CNTN3: variants seen among roughly 807,000 people sequenced by gnomAD.
CNTN3 encodes the protein contactin-3.
Under a neutral mutation model 119.1 loss-of-function variants are expected in CNTN3, and 60 were observed. The observed-to-expected ratio is 0.50, with a 90% CI of 0.41 to 0.62. The LOEUF is 0.62. CNTN3 is among the 20% of genes least tolerant of loss of function. CNTN3 has a pLI of 0.00. For missense variants in CNTN3, 1,101 were observed against 1,242.4 expected (o/e 0.89, Z 1.71); for synonymous variants, 450 against 438.7 (o/e 1.03, Z -0.32).
Position 74,487,266 on chromosome 3 carries a change from G to T in CNTN3, c.183-635C>A, listed in dbSNP as rs527870919. Among the ~76,000 whole-genome samples, 79 of 152,254 alleles carry T rather than the reference G, an allele frequency of 5.2e-4. 2 individuals carry two copies. Among genetic ancestry groups the T allele is most frequent in the South Asian group, 2.9e-3 (14 of 4,828 alleles). ...AACGAGAAGCCTAAAGATAAATGAA[G>T]AGAGAAGCTGGTTTTTAAATAAGAG... On this transcript the variant is annotated intron_variant, in intron 3 of 22. Coordinates refer to ENST00000263665, the MANE Select transcript of CNTN3 (RefSeq NM_020872.3).
intron 4 of CNTN3, among the ~76,000 whole-genome samples, chr3:74,476,116 A>G (rs1365410332): frequency 2.6e-5 from 4 of 152,130 alleles, no homozygotes; most frequent in Non-Finnish European, 5.9e-5. Context: ...AGTTATAGTG[A>G]GGTTGGCCAT....
intron 4 of CNTN3, among the ~76,000 whole-genome samples, chr3:74,460,460 T>G (rs1285629148): frequency 6.6e-6 from 1 of 151,932 alleles, no homozygotes; most frequent in African/African-American, 2.4e-5. Context: ...TTTGATTTCT[T>G]TTGTCAGCTT....
intron 1 of CNTN3, among the ~76,000 whole-genome samples, chr3:74,581,169 C>A (rs58548510): frequency 0.013 from 1,997 of 151,978 alleles, 38 homozygotes; most frequent in African/African-American, 0.045. Context: ...AAAAGGCATT[C>A]AGATGGAAAA....
At chr3:74,610,308 G>C (rs1331785975) in intron 1 of CNTN3, among the ~76,000 whole-genome samples, 2 of 149,202 alleles carry the variant, frequency 1.3e-5, no homozygotes, top group Non-Finnish European at 3.0e-5. Context: ...GGGTGACAGA[G>C]TGAGACCCTG....
intron 13 of CNTN3, among the ~76,000 whole-genome samples, chr3:74,332,802 G>A (rs1575732506): frequency 1.3e-5 from 2 of 152,216 alleles, no homozygotes; most frequent in East Asian, 1.9e-4. Context: ...GGTGACTAAT[G>A]TTTCAAATGG....
chr3:74,551,590 C>G (rs1248752514), intron 1 of CNTN3, among the ~76,000 whole-genome samples: 1 of 151,996 alleles, frequency 6.6e-6, no homozygotes, highest in Non-Finnish European at 1.5e-5. Flanking sequence ...AATCGTTTCA[C>G]TGCCCTAAAA....
chr3:74,488,659 C>T (rs574871918), intron 3 of CNTN3, among the ~76,000 whole-genome samples: 1 of 152,208 alleles, frequency 6.6e-6, no homozygotes, highest in South Asian at 2.1e-4. Context: ...TTATCATTTG[C>T]TAATTTTAAA....
chr3:74,443,785 G>A (rs533697407), intron 4 of CNTN3, among the ~76,000 whole-genome samples: 9 of 152,196 alleles, frequency 5.9e-5, no homozygotes, highest in African/African-American at 1.7e-4. Context: ...GCATTTTTAA[G>A]TACTTTGTGA....
At chr3:74,440,498 GTC>G (rs1701945335) in intron 4 of CNTN3, among the ~76,000 whole-genome samples, 1 of 129,382 alleles carries the variant, frequency 7.7e-6, no homozygotes, top group African/African-American at 2.8e-5. Context: ...AAAAAAAAAA[GTC>G]TCCCATAAAA....
intron 5 of CNTN3, among the ~76,000 whole-genome samples, chr3:74,404,272 G>T (rs1196841115): frequency 6.6e-6 from 1 of 152,062 alleles, no homozygotes; most frequent in Non-Finnish European, 1.5e-5. Flanking sequence ...ATTCAATTTG[G>T]TTGAAAGGGG....
chr3:74,354,008 CT>C (rs1703877067), intron 11 of CNTN3, among the ~76,000 whole-genome samples: 1 of 151,954 alleles, frequency 6.6e-6, no homozygotes, highest in Non-Finnish European at 1.5e-5. Flanking sequence ...AAAACTGCTC[CT>C]TTTTCAAAAA....
intron 1 of CNTN3, among the ~76,000 whole-genome samples, chr3:74,600,750 C>T (rs1704896458): frequency 2.0e-5 from 3 of 152,104 alleles, no homozygotes; most frequent in Middle Eastern, 3.4e-3. Context: ...ACCAAGTAGC[C>T]GCTAAAACAC....
intron 3 of CNTN3, among the ~76,000 whole-genome samples, chr3:74,497,235 T>TA (rs995613776): frequency 1.3e-5 from 2 of 151,796 alleles, no homozygotes; most frequent in Non-Finnish European, 2.9e-5. Flanking sequence ...TGAAGGACAA[T>TA]AAAAAAATAG....
chr3:74,553,098 C>G (rs955223300), intron 1 of CNTN3, among the ~76,000 whole-genome samples: 2 of 151,294 alleles, frequency 1.3e-5, no homozygotes, highest in African/African-American at 4.9e-5. Context: ...CCCCCCAACC[C>G]CCACAGGCCC....
rs542247926 is a variant in CNTN3 at position 74,607,045 on chromosome 3, A to G, written c.-81+7346T>C. ...TTCAAAACCATACAGTCCATGCACA[A>G]AGCTTTTGATCAGTTTTATTTAAAA... On this transcript the variant is annotated intron_variant, in intron 1 of 22. Transcript: ENST00000263665. Among the ~76,000 whole-genome samples, 5 of 152,284 alleles carry G rather than the reference A, an allele frequency of 3.3e-5. No individual in the cohort carries two copies. In the East Asian group the frequency reaches 9.7e-4, roughly 29 times the overall value.
intron 20 of CNTN3, among the ~76,000 whole-genome samples, chr3:74,270,353 CTT>C (rs1559673030): frequency 1.3e-5 from 2 of 152,194 alleles, no homozygotes; most frequent in African/African-American, 2.4e-5. Context: ...TCTCTTTTCT[CTT>C]TGCCATGAGA....
chr3:74,543,262 G>A (rs1033139966), intron 1 of CNTN3, among the ~76,000 whole-genome samples: 5 of 152,090 alleles, frequency 3.3e-5, no homozygotes, highest in Non-Finnish European at 7.4e-5. Context: ...AAGATGATGC[G>A]ACCAAAAAAT....
intron 1 of CNTN3, among the ~76,000 whole-genome samples, chr3:74,608,326 A>G (rs1410365708): frequency 6.6e-6 from 1 of 152,194 alleles, no homozygotes; most frequent in Non-Finnish European, 1.5e-5. Context: ...AATGCCTACA[A>G]AATTTCCCCC....
At chr3:74,345,562 T>C (rs2106735724) in intron 11 of CNTN3, among the ~76,000 whole-genome samples, 1 of 152,306 alleles carries the variant, frequency 6.6e-6, no homozygotes, top group East Asian at 1.9e-4. Flanking sequence ...GTCTTGAGTG[T>C]TAATATTCAG....
Sources: allele counts gnomAD v4.1 joint callset (sites outside exome capture counted in the v4.1 genomes callset), GRCh38; gene constraint gnomAD v4.1.1; transcripts MANE v1.5; gene names NCBI Gene and HGNC (gene_info 2026-07-23, HGNC 2026-07-21).